The following SNX29 variants were observed in gnomAD, a reference collection of about 807,000 sequenced individuals.
SNX29 encodes sorting nexin 29.
In SNX29, 78 loss-of-function variants were observed where a neutral mutation model predicts 102.1. That is an observed-to-expected ratio of 0.76 (90% confidence interval 0.64 to 0.92). The LOEUF is 0.92. SNX29 is among the 40% of genes least tolerant of loss of function. The pLI, the probability that SNX29 is intolerant of heterozygous loss-of-function variation, is 0.00. For missense variants in SNX29, 1,280 were observed against 1,061.7 expected, an observed-to-expected ratio of 1.21 and a Z score of -2.86; for synonymous variants, 580 against 414.5, an observed-to-expected ratio of 1.40 and a Z score of -4.85.
At chr16:12,407,052 G>T (rs2084194744) in intron 18 of SNX29, among the ~76,000 whole-genome samples, 1 of 152,258 alleles carries the variant, frequency 6.6e-6, no homozygotes, top group Non-Finnish European at 1.5e-5. Context: ...CTGCAGGGCG[G>T]CTGCCTTGGA....
chr16:12,340,707 C>G (rs903829260), intron 15 of SNX29, among the ~76,000 whole-genome samples: 8 of 152,168 alleles, frequency 5.3e-5, no homozygotes, highest in Admixed American at 5.2e-4. Flanking sequence ...TCTCCCCTGT[C>G]TCTCTTTCAC....
chr16:12,214,061 T>TA (rs1281798807), intron 14 of SNX29, among the ~76,000 whole-genome samples: 8 of 152,186 alleles, frequency 5.3e-5, no homozygotes, highest in African/African-American at 1.4e-4. Flanking sequence ...TCCCAGGTTC[T>TA]AAAAGTGGCC....
chr16:12,281,253 A>T (rs2079420846), intron 15 of SNX29, among the ~76,000 whole-genome samples: 1 of 152,174 alleles, frequency 6.6e-6, no homozygotes, highest in South Asian at 2.1e-4. Context: ...GAACACCTTA[A>T]ACATGGTGAT....
At chr16:12,453,489 GA>G (rs1209123057) in intron 18 of SNX29, among the ~76,000 whole-genome samples, 1 of 151,952 alleles carries the variant, frequency 6.6e-6, no homozygotes, top group Non-Finnish European at 1.5e-5. Flanking sequence ...TGAAAACGAA[GA>G]GAAGTAAAAA....
intron 1 of SNX29, among the ~76,000 whole-genome samples, chr16:11,989,719 A>G (rs912054615): frequency 1.3e-5 from 2 of 152,178 alleles, no homozygotes. Flanking sequence ...GCTTCTGTCT[A>G]TGTCCGAGAG....
intron 18 of SNX29, among the ~76,000 whole-genome samples, chr16:12,404,752 G>A (rs1301534195): frequency 6.6e-6 from 1 of 152,188 alleles, no homozygotes. Flanking sequence ...AGTTTCTTCA[G>A]CTGTAAAATG....
At chr16:12,509,042 C>G (rs1326729138) in intron 19 of SNX29, among the ~76,000 whole-genome samples, 1 of 152,156 alleles carries the variant, frequency 6.6e-6, no homozygotes, top group Admixed American at 6.5e-5. Flanking sequence ...AACATTTTGT[C>G]TCCATTATGG....
chr16:11,999,363 G>A lies in SNX29; in HGVS notation c.69+5G>A, dbSNP rs768416523. The A allele has an allele frequency of 3.7e-6, 6 of 1,613,894 alleles. No homozygotes were observed. The highest frequency in any genetic ancestry group is 3.3e-5 in the Admixed American group (2 of 59,988). ...CTGCTGGATGCAGTGAAACAGGTAA[G>A]CAGAAAGCACACATTTGCCTTTTTG... On this transcript the variant is annotated splice_donor_5th_base_variant and intron_variant, in intron 2 of 20. Transcript: ENST00000566228.
chr16:12,319,011 G>C (rs1158569279), intron 15 of SNX29, among the ~76,000 whole-genome samples: 1 of 152,146 alleles, frequency 6.6e-6, no homozygotes, highest in South Asian at 2.1e-4. Context: ...CAGACCCCCA[G>C]TAAACTTGTT....
Position 12,524,777 on chromosome 16 carries a change from A to G in SNX29, c.2254A>G (p.Met752Val), listed in dbSNP as rs1337940767. The stretch of plus-strand genomic sequence containing the variant: ...CAGCGTCATGAACAAAGTCATCCAG[A>G]TGGTCCCCGAGTTCGCTGCCAGCCC... ...LRSVMNKVIQ[M>V]VPEFAASPKK... The change falls in exon 20 of 21, where the codon ATG (methionine) becomes GTG (valine). Residue 752 changes from methionine to valine, a missense_variant. Met to Val is a conservative substitution (Grantham distance 21). Coordinates refer to ENST00000566228, the MANE Select transcript of SNX29 (RefSeq NM_032167.5). 1.2e-6 allele frequency: 2 copies of G among 1,613,814 alleles called. No individual in the cohort carries two copies. Among genetic ancestry groups the G allele is most frequent in the Non-Finnish European group, 1.7e-6 (2 of 1,179,840 alleles).
intron 15 of SNX29, 79 bp downstream of exon 15, chr16:12,278,115 T>C: frequency 7.7e-7 from 1 of 1,300,276 alleles, no homozygotes; most frequent in Non-Finnish European, 1.1e-6. Flanking sequence ...TCCAGCCTAT[T>C]CTAAAGACAC....
In SNX29 at chr16:12,573,307, C is replaced by A. The variant is rs924244174; in HGVS notation, c.*4678C>A. 4.4e-6 allele frequency: 1 copy of A among 226,682 alleles called. No homozygotes were observed. Among genetic ancestry groups the A allele is most frequent in the African/African-American group, 2.2e-5 (1 of 44,948 alleles). 14.0% of individuals were successfully genotyped at this position (226,682 alleles called of 1,614,324 possible). A position where few individuals can be genotyped will look rare whatever the true frequency, so the allele number is the denominator to read the frequency against. On this transcript the variant is annotated 3_prime_UTR_variant, in exon 21 of 21. Coordinates refer to ENST00000566228, the MANE Select transcript of SNX29 (RefSeq NM_032167.5). ...CATGAGCCATTGCCATCTTATGGGC[C>A]CGATTTGGGTACTCTGAATTATGTC...
intron 14 of SNX29, among the ~76,000 whole-genome samples, chr16:12,219,857 C>G (rs2077428120): frequency 6.6e-6 from 1 of 152,228 alleles, no homozygotes. Context: ...TTTGTCCTAT[C>G]TTGGGTCTGG....
At chr16:12,389,655 T>C (rs1476785915) in intron 16 of SNX29, among the ~76,000 whole-genome samples, 1 of 152,174 alleles carries the variant, frequency 6.6e-6, no homozygotes, top group Non-Finnish European at 1.5e-5. Flanking sequence ...AAATCATGTT[T>C]GTGTAACCCT....
chr16:12,094,925 C>G (rs117878494), intron 11 of SNX29: 1 of 152,034 alleles, frequency 6.6e-6, no homozygotes, highest in Non-Finnish European at 1.5e-5. Context: ...AAAAATGAGC[C>G]TAAAGAAAAT....
At chr16:12,274,302 A>G (rs1272475941) in intron 14 of SNX29, among the ~76,000 whole-genome samples, 1 of 151,814 alleles carries the variant, frequency 6.6e-6, no homozygotes, top group African/African-American at 2.4e-5. Context: ...TCCTTTGTAA[A>G]AATTCTTCTT....
chr16:12,204,305 T>C (rs2076991617), intron 14 of SNX29, among the ~76,000 whole-genome samples: 1 of 152,222 alleles, frequency 6.6e-6, no homozygotes. Context: ...TAGTTTTCTA[T>C]AGCTCATGTG....
chr16:12,192,743 C>T (rs1386832667), intron 13 of SNX29, among the ~76,000 whole-genome samples: 1 of 152,154 alleles, frequency 6.6e-6, no homozygotes, highest in Non-Finnish European at 1.5e-5. Flanking sequence ...CTCACTTTCA[C>T]CCAGGCTGGA....
chr16:12,173,574 G>T (rs535114599), intron 13 of SNX29, among the ~76,000 whole-genome samples: 3 of 152,114 alleles, frequency 2.0e-5, no homozygotes. Flanking sequence ...CTCTCATTCT[G>T]TCATGTAGCT....
Sources: gnomAD v4.1 joint callset for allele counts (sites outside exome capture counted in the v4.1 genomes callset) on GRCh38, gnomAD v4.1.1 for gene constraint, MANE v1.5 for transcripts, NCBI Gene and HGNC (gene_info 2026-07-23, HGNC 2026-07-21) for gene names.